Variants in ADAMTSL1 observed in about 807,000 individuals in gnomAD.
ADAMTSL1 encodes the protein ADAMTS like 1.
A neutral mutation model predicts 201.8 loss-of-function variants in ADAMTSL1; 126 were observed. The observed-to-expected ratio is 0.62, with a 90% confidence interval of 0.54 to 0.72. The LOEUF is 0.72. Among genes scored for constraint, ADAMTSL1 ranks in the 30% least tolerant of loss-of-function variants. ADAMTSL1 has a pLI of 0.00. For missense variants in ADAMTSL1, 2,679 were observed against 2,277.8 expected (o/e 1.18, Z -3.59); for synonymous variants, 1,121 against 903.4 (o/e 1.24, Z -4.32).
intron 2 of ADAMTSL1, among the ~76,000 whole-genome samples, chr9:18,356,406 T>C (rs1419409999): frequency 1.3e-5 from 2 of 151,928 alleles, no homozygotes; most frequent in African/African-American, 2.4e-5. Flanking sequence ...CACAGGCCTA[T>C]AGTCCTCACT....
At chr9:18,599,284 G>T (rs1008733072) in intron 4 of ADAMTSL1, among the ~76,000 whole-genome samples, 3 of 152,180 alleles carry the variant, frequency 2.0e-5, no homozygotes, top group Non-Finnish European at 4.4e-5. Flanking sequence ...AATTTGGCTT[G>T]TTAAAGAGGC....
chr9:18,682,322 C>T (rs1054677887), intron 12 of ADAMTSL1, among the ~76,000 whole-genome samples: 1 of 152,064 alleles, frequency 6.6e-6, no homozygotes, highest in African/African-American at 2.4e-5. Flanking sequence ...GGAGTGAATC[C>T]AAGTATGTCT....
intron 2 of ADAMTSL1, among the ~76,000 whole-genome samples, chr9:18,527,146 G>C (rs7867817): frequency 0.64 from 97,029 of 151,908 alleles, 31,225 homozygotes; most frequent in East Asian, 0.8. Context: ...AAAGCAAAAA[G>C]AAAAAAACCA....
chr9:18,275,488 T>C (rs903470601), intron 2 of ADAMTSL1, among the ~76,000 whole-genome samples: 4 of 152,172 alleles, frequency 2.6e-5, no homozygotes, highest in Non-Finnish European at 5.9e-5. Context: ...AAAAGTTCTC[T>C]TATTCTACTT....
At chr9:18,361,860 A>G (rs1037077375) in intron 2 of ADAMTSL1, among the ~76,000 whole-genome samples, 20 of 152,162 alleles carry the variant, frequency 1.3e-4, no homozygotes, top group Non-Finnish European at 2.6e-4. Flanking sequence ...TGCATTACAA[A>G]TTCATCACGC....
In ADAMTSL1 at chr9:18,675,876, A is replaced by G. The variant is rs1830103265; in HGVS notation, c.1105A>G (p.Met369Val). 6.2e-7 allele frequency: 1 copy of G among 1,613,334 alleles called. No individual in the cohort carries two copies. ...TAACAGTGACGGATACAAGCAGATC[A>G]TGCCTTATGACCTCTACCATCCCCT... is the stretch of plus-strand genomic sequence containing the variant. Reference protein sequence around the residue: ...CPASDGYKQIMPYDLYHPLPR... With the variant: ...CPASDGYKQIVPYDLYHPLPR... The change falls in exon 10 of 29, where the codon ATG becomes GTG. Residue 369 changes from methionine (M) to valine (V), a missense_variant. Transcript: ENST00000380548.
At chr9:18,104,881 A>G (rs1254371108) in intron 1 of ADAMTSL1, among the ~76,000 whole-genome samples, 1 of 152,168 alleles carries the variant, frequency 6.6e-6, no homozygotes, top group Non-Finnish European at 1.5e-5. Context: ...TGGCCATTTC[A>G]TCACTTATAT....
At chr9:18,030,039 A>AT (rs1175950199) in intron 1 of ADAMTSL1, among the ~76,000 whole-genome samples, 1 of 152,136 alleles carries the variant, frequency 6.6e-6, no homozygotes, top group Non-Finnish European at 1.5e-5. Context: ...CAGCCATCCC[A>AT]TTACTGGGTA....
chr9:18,416,161 T>C (rs1234606573), intron 2 of ADAMTSL1, among the ~76,000 whole-genome samples: 1 of 152,050 alleles, frequency 6.6e-6, no homozygotes, highest in Non-Finnish European at 1.5e-5. Flanking sequence ...AAATACTTTC[T>C]CTCATTATTT....
intron 2 of ADAMTSL1, among the ~76,000 whole-genome samples, chr9:18,231,795 G>A (rs1830655893): frequency 6.6e-6 from 1 of 152,112 alleles, no homozygotes; most frequent in Non-Finnish European, 1.5e-5. Flanking sequence ...AGTTGCTTAT[G>A]CCAAAAACCT....
intron 2 of ADAMTSL1, among the ~76,000 whole-genome samples, chr9:18,219,315 A>G (rs1281192219): frequency 3.3e-5 from 5 of 151,306 alleles, no homozygotes; most frequent in African/African-American, 4.8e-5. Flanking sequence ...CCTCTTACCT[A>G]TGAATCCAAT....
At chr9:18,689,678 T>C (rs577084496) in intron 13 of ADAMTSL1, among the ~76,000 whole-genome samples, 1 of 152,338 alleles carries the variant, frequency 6.6e-6, no homozygotes, top group South Asian at 2.1e-4. Context: ...GTTGCCGTAG[T>C]TCTTCAATGG....
intron 23 of ADAMTSL1, among the ~76,000 whole-genome samples, chr9:18,883,019 A>G (rs527356534): frequency 6.7e-6 from 1 of 150,002 alleles, no homozygotes; most frequent in Non-Finnish European, 1.5e-5. Context: ...AAGAGGATAT[A>G]GGTCAGGTAA....
intron 2 of ADAMTSL1, among the ~76,000 whole-genome samples, chr9:18,242,911 C>A (rs942649665): frequency 6.6e-6 from 1 of 151,894 alleles, no homozygotes; most frequent in African/African-American, 2.4e-5. Context: ...GTTAAAACAC[C>A]CATACTACCC....
chr9:18,243,649 C>G (rs141728987), intron 2 of ADAMTSL1, among the ~76,000 whole-genome samples: 50 of 152,042 alleles, frequency 3.3e-4, no homozygotes, highest in Admixed American at 5.2e-4. Flanking sequence ...TTTCCTTAAG[C>G]CTTCCTGCTC....
intron 1 of ADAMTSL1, among the ~76,000 whole-genome samples, chr9:18,060,522 G>A (rs1054562986): frequency 3.3e-5 from 5 of 152,122 alleles, no homozygotes; most frequent in Admixed American, 6.5e-5. Context: ...TAAACATAAA[G>A]CCAGTTGAGT....
rs758208246 is a variant in ADAMTSL1, at chr9:18,143,491, G to A, written c.88-20371G>A. Among the ~76,000 whole-genome samples the A allele has an allele frequency of 5.0e-5, 6 of 119,428 alleles. No individual in the cohort carries two copies. The East Asian group carries it at 7.2e-4, about 14-fold the overall frequency. The allele number at this position is 119,428 out of a possible 152,430, so 78.3% of individuals were successfully genotyped here. On this transcript the variant is annotated intron_variant, in intron 1 of 29. Transcript: ENST00000680146. ...CTTAGCAGCGAATATCAGAGCTGCC[G>A]TGTGCTTTTGTGTTTTTTTTAAAGC...
intron 2 of ADAMTSL1, among the ~76,000 whole-genome samples, chr9:18,450,582 TA>T (rs1471276347): frequency 2.0e-5 from 3 of 151,450 alleles, no homozygotes; most frequent in African/African-American, 7.3e-5. Flanking sequence ...TATAGATATA[TA>T]TATTATGTAT....
intron 2 of ADAMTSL1, among the ~76,000 whole-genome samples, chr9:18,282,638 C>T (rs1434773282): frequency 6.6e-6 from 1 of 152,208 alleles, no homozygotes; most frequent in Non-Finnish European, 1.5e-5. Context: ...TGGCTCACGC[C>T]TGTAATCCTA....
Sources: allele counts gnomAD v4.1 joint callset (sites outside exome capture counted in the v4.1 genomes callset), GRCh38; gene constraint gnomAD v4.1.1; transcripts MANE v1.5; gene names NCBI Gene and HGNC (gene_info 2026-07-23, HGNC 2026-07-21).